The following PPOX variants were observed in gnomAD, a reference collection of about 807,000 sequenced individuals.
PPOX encodes the protein variegate porphyria.
Under a neutral mutation model 54.1 loss-of-function variants are expected in PPOX, and 23 were observed. The observed-to-expected ratio is 0.43, with a 90% CI of 0.31 to 0.60. PPOX has a LOEUF of 0.60. Among genes scored for constraint, PPOX ranks in the 20% least tolerant of loss-of-function variants. The probability of loss-of-function intolerance (pLI) is 0.13; values close to 1 mark genes in which losing one functional copy is unlikely to be tolerated. For synonymous variants in PPOX, 224 were observed against 236.1 expected, an observed-to-expected ratio of 0.95 and a Z score of 0.47; for missense variants, 512 against 601.1, an observed-to-expected ratio of 0.85 and a Z score of 1.55.
chr1:161,173,142 C>T (rs1213423276), downstream of PPOX, among the ~76,000 whole-genome samples: 5 of 152,212 alleles, frequency 3.3e-5, no homozygotes, highest in East Asian at 9.6e-4. Flanking sequence ...ATACCACAGA[C>T]ATGAAATTGG....
upstream of PPOX, chr1:161,165,935 G>A (rs565255423): frequency 5.3e-6 from 1 of 189,792 alleles, no homozygotes; most frequent in East Asian, 1.9e-4. Flanking sequence ...CTTGAGTGAG[G>A]CTGCGTGCAG....
downstream of PPOX, chr1:161,175,003 A>C: frequency 6.2e-7 from 1 of 1,613,562 alleles, no homozygotes; most frequent in Non-Finnish European, 8.5e-7. Context: ...CTGGTGGATG[A>C]CATAGATGCC....
chr1:161,177,482 C>G (rs1438447737), downstream of PPOX: 1 of 170,940 alleles, frequency 5.9e-6, no homozygotes, highest in African/African-American at 2.4e-5. Flanking sequence ...ATCGCTGCCG[C>G]CATCTTGGAA....
chr1:161,174,982 A>G, downstream of PPOX: 1 of 1,612,144 alleles, frequency 6.2e-7, no homozygotes, highest in South Asian at 1.1e-5. Context: ...TGAGGTGGAG[A>G]TTGGGGGTAC....
chr1:161,166,270 C>T, upstream of PPOX: 3 of 998,900 alleles, frequency 3.0e-6, no homozygotes, highest in Non-Finnish European at 3.6e-6. Flanking sequence ...ACTCCCAGCT[C>T]GGCGCTAACA....
At chr1:161,176,970 T>C (rs1663784344) in exon 5 of PPOX, 2 of 1,535,900 alleles carry the variant, frequency 1.3e-6, no homozygotes, top group Non-Finnish European at 1.7e-6. Context: ...TGCCAACTCC[T>C]CAGGTGCAGG....
At chr1:161,176,096 C>T (rs1287492864), downstream of PPOX, 1 of 1,610,328 alleles carries the variant, frequency 6.2e-7, no homozygotes, top group East Asian at 2.2e-5. Context: ...GAGGGGAATT[C>T]TGGGGGTAGG....
chr1:161,175,488 T>C (rs998326263), downstream of PPOX, among the ~76,000 whole-genome samples: 4 of 152,122 alleles, frequency 2.6e-5, no homozygotes, highest in African/African-American at 9.7e-5. Flanking sequence ...TTGGAAGCTA[T>C]AGTTGAAGGC....
intron 4 of PPOX, chr1:161,176,302 C>A (rs377658260): frequency 2.4e-5 from 14 of 582,958 alleles, no homozygotes; most frequent in Non-Finnish European, 4.0e-5. Context: ...CTACCTCCCC[C>A]CAAACCACTC....
Position 161,167,457 on chromosome 1 carries a change from TGC to T in PPOX, c.310_311del (p.Ala104ProfsTer39). ...AGAACAGGTTCCTCTACGTGGGCGG[TGC>T]CCTGCATGCCCTACCCACTGGCCTC... ...AQNRFLYVGG[A>X]LHALPTGLRG... On this transcript the variant is annotated frameshift_variant, in exon 4 of 13. Coordinates refer to ENST00000367999, the MANE Select transcript of PPOX (RefSeq NM_001122764.3). LOFTEE classifies it high-confidence loss of function. The T allele has an allele frequency of 6.2e-7, 1 of 1,610,494 alleles. No homozygotes were observed. The highest frequency in any genetic ancestry group is 8.5e-7 in the Non-Finnish European group (1 of 1,178,922).
intron 7 of PPOX, 55 bp from the exon 8 acceptor site, chr1:161,169,605 T>C (rs1660425646): frequency 1.9e-6 from 3 of 1,570,200 alleles, no homozygotes; most frequent in Non-Finnish European, 2.6e-6. Context: ...AGAAGTCTCT[T>C]TTCACTCATC....
At chr1:161,176,836 T>C in intron 4 of PPOX, 5 of 1,533,060 alleles carry the variant, frequency 3.3e-6, no homozygotes, top group Non-Finnish European at 4.4e-6. Flanking sequence ...ATGGAAACAT[T>C]GTTTTCCCCC....
downstream of PPOX, chr1:161,172,433 G>A: frequency 2.9e-6 from 3 of 1,025,246 alleles, no homozygotes; most frequent in Admixed American, 3.0e-5. Context: ...TTACTTAGTA[G>A]GCAAAAGAAA....
intron 11 of PPOX, 61 bp downstream of exon 11, chr1:161,170,830 C>T (rs373666144): frequency 2.5e-6 from 4 of 1,613,442 alleles, no homozygotes; most frequent in South Asian, 2.2e-5. Context: ...GAGACTGGAA[C>T]ATTTGTCACT....
chr1:161,167,314 T>C, intron 3 of PPOX, 57 bp from the exon 4 acceptor site: 4 of 1,613,898 alleles, frequency 2.5e-6, no homozygotes, highest in Non-Finnish European at 3.4e-6. Flanking sequence ...AGGAAGTATG[T>C]TTGGTGGGTC....
At chr1:161,166,987 C>T in intron 2 of PPOX, 53 bp downstream of exon 2, 2 of 1,611,186 alleles carry the variant, frequency 1.2e-6, no homozygotes, top group Non-Finnish European at 8.5e-7. Context: ...CTTCCCATTT[C>T]CATCAAAAGC....
At chr1:161,165,843 G>A (rs1571310969), upstream of PPOX, 1 of 175,252 alleles carries the variant, frequency 5.7e-6, no homozygotes, top group Non-Finnish European at 1.2e-5. Flanking sequence ...CGAGGGGGAA[G>A]GTTTCGGGGA....
downstream of PPOX, chr1:161,172,387 G>A (rs1661783847): frequency 6.8e-7 from 1 of 1,480,222 alleles, no homozygotes; most frequent in South Asian, 1.2e-5. Flanking sequence ...AGCAAGGAAG[G>A]GATTAAATGT....
At chr1:161,174,856 C>A, downstream of PPOX, 2 of 863,432 alleles carry the variant, frequency 2.3e-6, no homozygotes, top group Non-Finnish European at 3.7e-6. Flanking sequence ...AGAGCAGTGC[C>A]GGGTGCTTCT....
Sources: allele counts gnomAD v4.1 joint callset (sites outside exome capture counted in the v4.1 genomes callset), GRCh38; gene constraint gnomAD v4.1.1; transcripts MANE v1.5; gene names NCBI Gene and HGNC (gene_info 2026-07-23, HGNC 2026-07-21).